The following ZCWPW2 variants were observed in gnomAD, a reference collection of about 807,000 sequenced individuals.
ZCWPW2 encodes the protein zinc finger CW-type and PWWP domain containing 2, also known as zinc finger CW-type PWWP domain protein 2.
ZCWPW2 carries 45 observed loss-of-function variants against 46.6 expected under a neutral mutation model. The observed-to-expected ratio is 0.96, with a 90% CI of 0.76 to 1.24. The LOEUF is 1.24. ZCWPW2 is among the 50% of genes most tolerant of loss of function. The pLI, the probability that ZCWPW2 is intolerant of heterozygous loss-of-function variation, is 0.00. For synonymous variants in ZCWPW2, 152 were observed against 137.1 expected, an observed-to-expected ratio of 1.11 and a Z score of -0.76; for missense variants, 429 against 403.9, an observed-to-expected ratio of 1.06 and a Z score of -0.53.
chr3:28,361,293 A>G (rs1167690581), intron 1 of ZCWPW2, among the ~76,000 whole-genome samples: 1 of 152,240 alleles, frequency 6.6e-6, no homozygotes, highest in Admixed American at 6.5e-5. Context: ...AGTCTCTTTC[A>G]ACAAGTAGTC....
In ZCWPW2 at chr3:28,433,996, T is replaced by G. The variant is rs547127302; in HGVS notation, c.333-1114T>G. On this transcript the variant is annotated intron_variant, in intron 3 of 9. Coordinates refer to ENST00000383768, the MANE Select transcript of ZCWPW2 (RefSeq NM_001040432.4). ...TCTTATAATACCCTTGAATCAATTT[T>G]CATTTTACTGTTTAAAATTACAGAA... Among the ~76,000 whole-genome samples the G allele has an allele frequency of 6.6e-5, 10 of 151,750 alleles. 1 individual carries two copies. The South Asian group carries it at 2.1e-3, about 32-fold the overall frequency.
intron 7 of ZCWPW2, among the ~76,000 whole-genome samples, chr3:28,514,505 A>G (rs1188822251): frequency 2.0e-5 from 3 of 152,222 alleles, no homozygotes; most frequent in Non-Finnish European, 2.9e-5. Context: ...AATTTGTACC[A>G]GGATAAGGGG....
In ZCWPW2 at chr3:28,413,153, G is replaced by T; in HGVS notation, c.85G>T (p.Val29Leu). Residue 29 changes from valine to leucine, a missense_variant, in exon 3 of 10, where the codon GTG (valine) becomes TTG (leucine). Transcript: ENST00000383768. ...AGTGGAAAACATGTATGTAAACAAA[G>T]TGTGGGTTCAATGTGAGAATGAAAA... ...SSVENMYVNKVWVQCENENCL... is the reference protein window; with the variant it reads ...SSVENMYVNKLWVQCENENCL... The T allele has an allele frequency of 6.2e-7, 1 of 1,613,268 alleles. No individual in the cohort carries two copies. Among genetic ancestry groups the T allele is most frequent in the Non-Finnish European group, 8.5e-7 (1 of 1,179,500 alleles).
At position 28,524,586 on chromosome 3, in the gene ZCWPW2, G is replaced by A. The variant is rs755248175; in HGVS notation, c.969G>A (p.Glu323=). 5 of 1,609,026 alleles carry A rather than the reference G, an allele frequency of 3.1e-6. No individual in the cohort carries two copies. The highest frequency in any genetic ancestry group is 1.7e-5 in the Admixed American group (1 of 59,218). ...GTCTGTTTGAAAACCACTATGAAGA[G>A]GACTATCTTGTAATTGATGGGATAA... ...AGSLFENHYE[E]DYLVIDGIKL... The change falls in exon 10 of 10, where the codon GAG becomes GAA. Residue 323 remains glutamate, a synonymous_variant. Coordinates refer to ENST00000383768, the MANE Select transcript of ZCWPW2 (RefSeq NM_001040432.4).
chr3:28,427,281 T>G (rs1697054480), intron 3 of ZCWPW2, among the ~76,000 whole-genome samples: 1 of 152,210 alleles, frequency 6.6e-6, no homozygotes. Flanking sequence ...GAACTCAGAA[T>G]GAGGTCAGTG....
chr3:28,517,593 G>A (rs899757558), intron 8 of ZCWPW2, among the ~76,000 whole-genome samples: 2 of 152,122 alleles, frequency 1.3e-5, no homozygotes, highest in African/African-American at 4.8e-5. Flanking sequence ...CCTCCTACCA[G>A]GCCCCACTTC....
At chr3:28,437,295 C>T (rs926443386) in intron 4 of ZCWPW2, among the ~76,000 whole-genome samples, 1 of 152,138 alleles carries the variant, frequency 6.6e-6, no homozygotes, top group African/African-American at 2.4e-5. Flanking sequence ...ACTATTTCAA[C>T]ATCATTTTCC....
At chr3:28,520,275 T>C (rs536112384) in intron 8 of ZCWPW2, among the ~76,000 whole-genome samples, 21 of 152,300 alleles carry the variant, frequency 1.4e-4, no homozygotes, top group Non-Finnish European at 2.5e-4. Context: ...GTGCTGGGAT[T>C]ACAGGCGTAA....
rs192488549 is a variant in ZCWPW2 at position 28,390,014 on chromosome 3, T to C, written c.-133-484T>C. ...ACCTTCACAGGAATATCCAGAATAA[T>C]GTTTGGTCAAATACCTAGGCACCAT... On this transcript the variant is annotated intron_variant, in intron 1 of 9. Transcript: ENST00000383768. 1.1e-3 allele frequency among the ~76,000 whole-genome samples: 163 copies of C among 152,196 alleles called. 1 individual carries two copies. The highest frequency in any genetic ancestry group is 3.6e-3 in the African/African-American group (150 of 41,448).
chr3:28,357,983 C>G (rs1704805242), intron 1 of ZCWPW2, among the ~76,000 whole-genome samples: 1 of 151,614 alleles, frequency 6.6e-6, no homozygotes, highest in Non-Finnish European at 1.5e-5. Flanking sequence ...AAGTCTCCCT[C>G]AAAAATGTGT....
intron 1 of ZCWPW2, among the ~76,000 whole-genome samples, chr3:28,373,170 G>C (rs1436437008): frequency 6.6e-6 from 1 of 152,256 alleles, no homozygotes; most frequent in South Asian, 2.1e-4. Flanking sequence ...TTTTGGATAT[G>C]TATCCAGTAG....
intron 2 of ZCWPW2, among the ~76,000 whole-genome samples, chr3:28,396,704 G>A (rs776173635): frequency 5.7e-4 from 86 of 152,146 alleles, no homozygotes; most frequent in Non-Finnish European, 5.7e-4. Flanking sequence ...ATTGTAGAGC[G>A]AAAGTATGAC....
chr3:28,354,177 C>T (rs1158391094), intron 1 of ZCWPW2, among the ~76,000 whole-genome samples: 1 of 151,906 alleles, frequency 6.6e-6, no homozygotes, highest in African/African-American at 2.4e-5. Flanking sequence ...GGGGATATCA[C>T]CACCGATCCC....
chr3:28,417,196 C>A (rs935285093), intron 3 of ZCWPW2, among the ~76,000 whole-genome samples: 28 of 151,738 alleles, frequency 1.8e-4, no homozygotes, highest in African/African-American at 6.5e-4. Context: ...ACCACTGATC[C>A]CACAGAAATA....
At chr3:28,450,770 G>T (rs1698196151) in intron 4 of ZCWPW2, among the ~76,000 whole-genome samples, 1 of 152,094 alleles carries the variant, frequency 6.6e-6, no homozygotes, top group Non-Finnish European at 1.5e-5. Flanking sequence ...TCATTTGGGT[G>T]TTTATCCATT....
intron 5 of ZCWPW2, among the ~76,000 whole-genome samples, chr3:28,487,937 C>T (rs1432249781): frequency 6.6e-6 from 1 of 152,056 alleles, no homozygotes; most frequent in African/African-American, 2.4e-5. Context: ...TTGAAAATCC[C>T]TCAATAGGTT....
chr3:28,422,651 G>C (rs1172259590), intron 3 of ZCWPW2, among the ~76,000 whole-genome samples: 1 of 152,000 alleles, frequency 6.6e-6, no homozygotes, highest in Non-Finnish European at 1.5e-5. Flanking sequence ...TCCAAGTTTT[G>C]GCAGTTATGA....
intron 4 of ZCWPW2, among the ~76,000 whole-genome samples, chr3:28,447,138 C>T (rs531423738): frequency 2.7e-4 from 41 of 152,214 alleles, no homozygotes; most frequent in African/African-American, 8.7e-4. Context: ...TAGGAGGGCA[C>T]ACTTCCTAAC....
intron 1 of ZCWPW2, among the ~76,000 whole-genome samples, chr3:28,376,322 C>T (rs577305872): frequency 1.3e-5 from 2 of 152,240 alleles, no homozygotes; most frequent in South Asian, 2.1e-4. Flanking sequence ...AAAACAATCT[C>T]TACACTTTAA....
Sources: allele counts gnomAD v4.1 joint callset (sites outside exome capture counted in the v4.1 genomes callset), GRCh38; gene constraint gnomAD v4.1.1; transcripts MANE v1.5; gene names NCBI Gene and HGNC (gene_info 2026-07-23, HGNC 2026-07-21).